ARHGEF10: variants seen among roughly 807,000 people sequenced by gnomAD.
The protein encoded by ARHGEF10 is Rho guanine nucleotide exchange factor (GEF) 10.
Under a neutral mutation model 147.4 loss-of-function variants are expected in ARHGEF10, and 140 were observed. The observed-to-expected ratio is 0.95, with a 90% CI of 0.83 to 1.09. The LOEUF (loss-of-function observed/expected upper bound fraction) is 1.09, where lower values mean the gene tolerates loss of function less well. ARHGEF10 is among the 50% of genes least tolerant of loss of function. The pLI, the probability that ARHGEF10 is intolerant of heterozygous loss-of-function variation, is 0.00. For synonymous variants in ARHGEF10, 902 were observed against 695.8 expected (o/e 1.30, Z -4.67); for missense variants, 2,222 against 1,752.7 (o/e 1.27, Z -4.78).
Position 1,896,432 on chromosome 8 carries a change from T to A in ARHGEF10, c.1540T>A (p.Phe514Ile). 6.2e-7 allele frequency: 1 copy of A among 1,613,604 alleles called. No individual in the cohort carries two copies. Among genetic ancestry groups the A allele is most frequent in the South Asian group, 1.1e-5 (1 of 90,896 alleles). Residue 514 changes from phenylalanine to isoleucine, a missense_variant, in exon 14 of 29, where the codon TTT becomes ATT. Coordinates refer to ENST00000349830, the MANE Select transcript of ARHGEF10 (RefSeq NM_014629.4). ...LKKTCATKPA[F>I]LEFLKQEQEA... is the part of the protein sequence containing the mutation. The stretch of plus-strand genomic sequence containing the variant: ...GAAAACATGTGCCACAAAGCCCGCT[T>A]TTCTTGAATTTTTAAAGGTAAGCGC...
In ARHGEF10 at chr8:1,923,596, G is replaced by GT; in HGVS notation, c.2387+3dup. 6.2e-7 allele frequency: 1 copy of GT among 1,614,152 alleles called. No homozygotes were observed. Among genetic ancestry groups the GT allele is most frequent in the Non-Finnish European group, 8.5e-7 (1 of 1,180,048 alleles). ...TACAGCTTCCCGGGAAGCAGGACAA[G>GT]TTAGTAGTAGCTTTAAAACGAAACC... On this transcript the variant is annotated splice_donor_variant, in intron 20 of 28. Transcript: ENST00000349830. LOFTEE classifies it high-confidence loss of function.
chr8:1,826,068 A>T (rs750462788), intron 1 of ARHGEF10: 2 of 1,583,002 alleles, frequency 1.3e-6, no homozygotes, highest in Non-Finnish European at 1.7e-6. Context: ...TGGCTTTAGC[A>T]GCCAACATCG....
At position 1,853,336 on chromosome 8, in the gene ARHGEF10, G is replaced by A. The variant is rs547429089; in HGVS notation, c.38-4624G>A. Among the ~76,000 whole-genome samples the A allele has an allele frequency of 7.0e-4, 106 of 152,304 alleles. 1 individual carries two copies. Among genetic ancestry groups the A allele is most frequent in the African/African-American group, 2.2e-3 (90 of 41,578 alleles). On this transcript the variant is annotated intron_variant, in intron 2 of 28. Coordinates refer to ENST00000349830, the MANE Select transcript of ARHGEF10 (RefSeq NM_014629.4). Reference sequence around the variant, plus strand: ...CCTCCTGGGCTCCACAGGGACCAACGGGCGGAGAACACTGGGCCATGGTGT... The same window carrying A: ...CCTCCTGGGCTCCACAGGGACCAACAGGCGGAGAACACTGGGCCATGGTGT...
intron 3 of ARHGEF10, chr8:1,858,641 G>T: frequency 6.4e-6 from 1 of 156,828 alleles, no homozygotes; most frequent in Non-Finnish European, 1.4e-5. Context: ...GAGGTGGGTT[G>T]GGTGCTTTCA....
At chr8:1,867,315 C>G (rs560230216) in intron 6 of ARHGEF10, among the ~76,000 whole-genome samples, 1 of 152,268 alleles carries the variant, frequency 6.6e-6, no homozygotes, top group Admixed American at 6.5e-5. Flanking sequence ...AAAGGACAGA[C>G]TAGACATGTA....
intron 6 of ARHGEF10, among the ~76,000 whole-genome samples, chr8:1,867,883 G>A (rs1263641499): frequency 3.3e-5 from 5 of 152,102 alleles, no homozygotes; most frequent in Admixed American, 1.3e-4. Flanking sequence ...CAATTATGAC[G>A]TTGTTAAAAC....
intron 28 of ARHGEF10, among the ~76,000 whole-genome samples, chr8:1,955,532 G>A (rs1280976312): frequency 1.3e-5 from 2 of 148,402 alleles, no homozygotes; most frequent in Admixed American, 6.7e-5. Flanking sequence ...GGAGCATCCT[G>A]AAAGGAGGTG....
At chr8:1,855,012 G>C (rs2062688522) in intron 2 of ARHGEF10, among the ~76,000 whole-genome samples, 1 of 152,132 alleles carries the variant, frequency 6.6e-6, no homozygotes, top group African/African-American at 2.4e-5. Context: ...AGGGGCCTCG[G>C]TGTCTCCTCA....
chr8:1,925,419 G>T lies in ARHGEF10; in HGVS notation c.2610+15G>T, dbSNP rs1412901216. 1.2e-6 allele frequency: 2 copies of T among 1,613,564 alleles called. No homozygotes were observed. Among genetic ancestry groups the T allele is most frequent in the Admixed American group, 1.7e-5 (1 of 60,020 alleles). ...AGGAGTTCAAGGTGAAGGGAGGCAG[G>T]GCCCGCGGCCCGGGGTGGGACGCAC... On this transcript the variant is annotated intron_variant, in intron 22 of 28. Transcript: ENST00000349830.
At chr8:1,907,109 C>T (rs1173179401) in intron 17 of ARHGEF10, among the ~76,000 whole-genome samples, 1 of 152,212 alleles carries the variant, frequency 6.6e-6, no homozygotes, top group South Asian at 2.1e-4. Flanking sequence ...AGCTGGAGAA[C>T]TCCAGGTGTG....
chr8:1,928,549 C>A lies in ARHGEF10; in HGVS notation c.2820C>A (p.Val940=). 3 of 1,614,158 alleles carry A rather than the reference C, an allele frequency of 1.9e-6. No homozygotes were observed. Among genetic ancestry groups the A allele is most frequent in the Non-Finnish European group, 2.5e-6 (3 of 1,180,038 alleles). Residue 940 remains valine (V), a synonymous_variant, in exon 24 of 29, where the codon GTC becomes GTA. Transcript: ENST00000349830. ...TCCTGTGCATGCTGTACGTTCCCGT[C>A]GAGGAGAAGCGCAGAGAGCCTGGGG... is the stretch of plus-strand genomic sequence containing the variant. ...SRILCMLYVP[V]EEKRREPGAP...
In ARHGEF10 at chr8:1,884,256, C is replaced by T. The variant is rs975071397; in HGVS notation, c.1076-1345C>T. ...AAAATACAAAAAAAAATTAGCTGGGCGTGGTGGCGGGTGCCTGTAGTCCCA... is the reference window on the plus strand; with the variant it reads ...AAAATACAAAAAAAAATTAGCTGGGTGTGGTGGCGGGTGCCTGTAGTCCCA... On this transcript the variant is annotated intron_variant, in intron 10 of 28. Coordinates refer to ENST00000349830, the MANE Select transcript of ARHGEF10 (RefSeq NM_014629.4). Among the ~76,000 whole-genome samples the T allele has an allele frequency of 7.9e-5, 12 of 151,946 alleles. No homozygotes were observed. In the East Asian group the frequency reaches 1.4e-3, roughly 17 times the overall value.
At position 1,917,725 on chromosome 8, in the gene ARHGEF10, C is replaced by G. The variant is rs975217521; in HGVS notation, c.2144-5239C>G. Among the ~76,000 whole-genome samples, 4 of 152,266 alleles carry G rather than the reference C, an allele frequency of 2.6e-5. No homozygotes were observed. In the Middle Eastern group the frequency reaches 0.01, roughly 388 times the overall value. On this transcript the variant is annotated intron_variant, in intron 18 of 28. Transcript: ENST00000349830. ...AACTGTCAGCTAGAGGGCTGGAAGT[C>G]AACTCTAACAAAAATTCTGATTTGC...
intron 16 of ARHGEF10, chr8:1,904,151 C>G (rs532514922): frequency 6.6e-6 from 1 of 152,340 alleles, no homozygotes; most frequent in African/African-American, 2.4e-5. Flanking sequence ...ATGGGCTAAG[C>G]TGCATTGAGC....
intron 7 of ARHGEF10, among the ~76,000 whole-genome samples, chr8:1,873,008 C>G (rs1209986973): frequency 6.6e-6 from 1 of 152,176 alleles, no homozygotes; most frequent in Non-Finnish European, 1.5e-5. Context: ...GCATTCCTCG[C>G]GGAAGGCGTG....
At chr8:1,896,219 C>T (rs1809957750) in intron 13 of ARHGEF10, 114 bp from the exon 14 acceptor site, 3 of 858,682 alleles carry the variant, frequency 3.5e-6, no homozygotes, top group African/African-American at 1.6e-5. Context: ...CTTATGAAAA[C>T]ATCACAGTGA....
intron 2 of ARHGEF10, among the ~76,000 whole-genome samples, chr8:1,856,465 T>C (rs1176250448): frequency 1.3e-5 from 2 of 152,202 alleles, no homozygotes; most frequent in Non-Finnish European, 2.9e-5. Flanking sequence ...AAGGCACTCC[T>C]AGAATGTATG....
At chr8:1,916,022 C>T (rs186581017) in intron 18 of ARHGEF10, among the ~76,000 whole-genome samples, 81 of 152,356 alleles carry the variant, frequency 5.3e-4, no homozygotes, top group African/African-American at 1.4e-3. Flanking sequence ...AGCTCCTCAG[C>T]CATGGGGATG....
rs1199656524 is a variant in ARHGEF10, at chr8:1,948,649, T to A, written c.3397+2994T>A. Among the ~76,000 whole-genome samples, 2 of 152,218 alleles carry A rather than the reference T, an allele frequency of 1.3e-5. No individual in the cohort carries two copies. Among genetic ancestry groups the A allele is most frequent in the African/African-American group, 4.8e-5 (2 of 41,466 alleles). On this transcript the variant is annotated intron_variant, in intron 27 of 28. Transcript: ENST00000349830. The surrounding 1 kb of genome is among the most constrained non-coding windows in gnomAD (Gnocchi z 4.9). ...AGTGCGGCATAGACTGAAATGGTTC[T>A]GATTTTCATTGCATTTTGTGACTCA...
Sources: allele counts gnomAD v4.1 joint callset (sites outside exome capture counted in the v4.1 genomes callset), GRCh38; gene constraint gnomAD v4.1.1; non-coding constraint Gnocchi (gnomAD v3.1); transcripts MANE v1.5; gene names NCBI Gene and HGNC (gene_info 2026-07-23, HGNC 2026-07-21).